KCNJ12: variants seen among roughly 807,000 people sequenced by gnomAD.
KCNJ12 encodes potassium inwardly rectifying channel subfamily J member 12.
In KCNJ12, 2 loss-of-function variants were observed where a neutral mutation model predicts 22.3. The ratio of observed to expected loss-of-function variants is 0.09; its 90% CI spans 0.04 to 0.28. The LOEUF (loss-of-function observed/expected upper bound fraction) is 0.28, where lower values mean the gene tolerates loss of function less well. Ranked by LOEUF, KCNJ12 falls within the 10% of genes least tolerant of loss-of-function variation. The pLI is 1.00. For synonymous variants in KCNJ12, 117 were observed against 261.4 expected, an observed-to-expected ratio of 0.45 and a Z score of 5.33; for missense variants, 155 against 633.3, an observed-to-expected ratio of 0.24 and a Z score of 8.11.
At chr17:21,411,261 C>T (rs1243796024) in intron 2 of KCNJ12, among the ~76,000 whole-genome samples, 2 of 152,310 alleles carry the variant, frequency 1.3e-5, no homozygotes, top group African/African-American at 2.4e-5. Flanking sequence ...TGGCAGCTGC[C>T]GTCTGGCATC....
chr17:21,413,379 C>G (rs1221024526), intron 2 of KCNJ12, among the ~76,000 whole-genome samples: 1 of 135,058 alleles, frequency 7.4e-6, no homozygotes, highest in East Asian at 2.1e-4. Context: ...TGCCATCCCC[C>G]CAGGATGTTC....
chr17:21,397,603 C>A (rs1905413133), intron 1 of KCNJ12, among the ~76,000 whole-genome samples: 2 of 152,242 alleles, frequency 1.3e-5, no homozygotes, highest in African/African-American at 4.8e-5. Context: ...GGCTAATGCA[C>A]TGGCCACGGG....
intron 1 of KCNJ12, among the ~76,000 whole-genome samples, chr17:21,377,946 C>G (rs976408948): frequency 6.6e-6 from 1 of 152,148 alleles, no homozygotes; most frequent in Non-Finnish European, 1.5e-5. Flanking sequence ...TTTTTGCTCC[C>G]CTATACCCAG....
Position 21,416,710 on chromosome 17 carries a change from C to G in KCNJ12, c.*66C>G. The G allele has an allele frequency of 6.7e-7, 1 of 1,493,972 alleles. No homozygotes were observed. Among genetic ancestry groups the G allele is most frequent in the East Asian group, 2.5e-5 (1 of 40,758 alleles). 92.5% of individuals were successfully genotyped at this position (1,493,972 alleles called of 1,614,324 possible). A position where few individuals can be genotyped will look rare whatever the true frequency, so the allele number is the denominator to read the frequency against. ...GAGAGGCCCCGCGGTCGCTCAGGGGCCCCGGGTTTGAGCAGAACGGGCCCA... is the reference window on the plus strand; with the variant it reads ...GAGAGGCCCCGCGGTCGCTCAGGGGGCCCGGGTTTGAGCAGAACGGGCCCA... On this transcript the variant is annotated 3_prime_UTR_variant, in exon 3 of 3. Transcript: ENST00000583088.
intron 1 of KCNJ12, among the ~76,000 whole-genome samples, chr17:21,389,624 C>T (rs541444549): frequency 1.5e-4 from 23 of 152,078 alleles, no homozygotes; most frequent in Non-Finnish European, 3.1e-4. Context: ...CTCAGAGCCC[C>T]ATGGCTGAGT....
At chr17:21,377,665 G>T (rs1400300245) in intron 1 of KCNJ12, among the ~76,000 whole-genome samples, 3 of 152,168 alleles carry the variant, frequency 2.0e-5, no homozygotes, top group African/African-American at 7.2e-5. Context: ...GCTGGGGTGG[G>T]GCGCTCCTTG....
At chr17:21,377,949 A>G (rs1904724280) in intron 1 of KCNJ12, among the ~76,000 whole-genome samples, 1 of 152,030 alleles carries the variant, frequency 6.6e-6, no homozygotes, top group African/African-American at 2.4e-5. Context: ...TTGCTCCCCT[A>G]TACCCAGGTT....
intron 1 of KCNJ12, among the ~76,000 whole-genome samples, chr17:21,395,568 CAAAAAAAAAAA>C (rs10652801): frequency 4.2e-5 from 2 of 48,132 alleles, no homozygotes; most frequent in South Asian, 2.6e-3. Context: ...GACTTCTTCT[CAAAAAAAAAAA>C]AAAAAAAAAA....
intron 1 of KCNJ12, among the ~76,000 whole-genome samples, chr17:21,384,610 A>G (rs1303662093): frequency 6.6e-6 from 1 of 151,958 alleles, no homozygotes; most frequent in Non-Finnish European, 1.5e-5. Context: ...GGAGGCGCTC[A>G]TTGCTGCTCC....
chr17:21,400,142 C>T (rs1567700731), intron 1 of KCNJ12, among the ~76,000 whole-genome samples: 1 of 152,240 alleles, frequency 6.6e-6, no homozygotes, highest in South Asian at 2.1e-4. Context: ...GCAGCCAGTG[C>T]TTCCAGACCC....
chr17:21,411,219 C>G, intron 2 of KCNJ12, among the ~76,000 whole-genome samples: 1 of 152,308 alleles, frequency 6.6e-6, no homozygotes, highest in East Asian at 1.9e-4. Flanking sequence ...AAGCACCTCC[C>G]GGTGACTCCT....
chr17:21,407,270 C>T (rs1387423706), intron 1 of KCNJ12, among the ~76,000 whole-genome samples: 2 of 151,324 alleles, frequency 1.3e-5, no homozygotes, highest in African/African-American at 4.8e-5. Flanking sequence ...CCATTCATTT[C>T]TCTACCCACC....
rs147860782 is a variant in KCNJ12, at chr17:21,398,891, A to G, written c.-178-9628A>G. ...ACTGTATGCTGGACCTGTTCTGGGTACTGTGCATAGACTAACATCTGCTGG... is the reference window on the plus strand; with the variant it reads ...ACTGTATGCTGGACCTGTTCTGGGTGCTGTGCATAGACTAACATCTGCTGG... On this transcript the variant is annotated intron_variant, in intron 1 of 2. Coordinates refer to ENST00000583088, the MANE Select transcript of KCNJ12 (RefSeq NM_021012.5). Among the ~76,000 whole-genome samples the G allele has an allele frequency of 2.4e-3, 371 of 152,370 alleles. 3 individuals are homozygous for G. Among genetic ancestry groups the G allele is most frequent in the African/African-American group, 8.8e-3 (364 of 41,582 alleles).
At chr17:21,413,460 A>C (rs1906491775) in intron 2 of KCNJ12, among the ~76,000 whole-genome samples, 1 of 149,618 alleles carries the variant, frequency 6.7e-6, no homozygotes, top group Admixed American at 6.7e-5. Context: ...GGCTTTGTCT[A>C]GCTCTGAGGT....
At chr17:21,384,525 C>T (rs1228665144) in intron 1 of KCNJ12, among the ~76,000 whole-genome samples, 10 of 152,186 alleles carry the variant, frequency 6.6e-5, no homozygotes, top group Admixed American at 6.5e-4. Flanking sequence ...TTCAGAGTCG[C>T]AGCCTGGGGC....
At chr17:21,389,077 A>G (rs1341392450) in intron 1 of KCNJ12, among the ~76,000 whole-genome samples, 1 of 152,102 alleles carries the variant, frequency 6.6e-6, no homozygotes, top group Non-Finnish European at 1.5e-5. Flanking sequence ...ATGGAGCCAA[A>G]TTTACCCCAT....
chr17:21,407,429 A>G (rs1231786016), intron 1 of KCNJ12, among the ~76,000 whole-genome samples: 1 of 151,876 alleles, frequency 6.6e-6, no homozygotes, highest in Non-Finnish European at 1.5e-5. Context: ...CCACTCAACC[A>G]TATACCCACC....
intron 2 of KCNJ12, among the ~76,000 whole-genome samples, chr17:21,410,030 C>T (rs1414124717): frequency 1.3e-5 from 2 of 152,164 alleles, no homozygotes; most frequent in Non-Finnish European, 2.9e-5. Context: ...CCACCACTCT[C>T]CCTCTCCCCT....
At chr17:21,413,882 G>T (rs1416847364) in intron 2 of KCNJ12, among the ~76,000 whole-genome samples, 3 of 152,298 alleles carry the variant, frequency 2.0e-5, no homozygotes, top group Non-Finnish European at 4.4e-5. Context: ...CTGGGAACAG[G>T]TGACACCCCT....
Sources: gnomAD v4.1 joint callset for allele counts (sites outside exome capture counted in the v4.1 genomes callset) on GRCh38, gnomAD v4.1.1 for gene constraint, MANE v1.5 for transcripts, NCBI Gene and HGNC (gene_info 2026-07-23, HGNC 2026-07-21) for gene names.